MGRN1: variants seen among roughly 807,000 people sequenced by gnomAD.
MGRN1 encodes the protein mahogunin ring finger 1.
In MGRN1, 29 loss-of-function variants were observed where a neutral mutation model predicts 69.2. The observed-to-expected ratio is 0.42, with a 90% confidence interval of 0.31 to 0.57. The LOEUF is 0.57. MGRN1 is among the 20% of genes least tolerant of loss of function. The pLI, the probability that MGRN1 is intolerant of heterozygous loss-of-function variation, is 0.15. For synonymous variants in MGRN1, 470 were observed against 344.2 expected, an observed-to-expected ratio of 1.37 and a Z score of -4.04; for missense variants, 998 against 796.2, an observed-to-expected ratio of 1.25 and a Z score of -3.05.
chr16:4,676,045 C>T (rs570561642), intron 10 of MGRN1, among the ~76,000 whole-genome samples: 2 of 152,230 alleles, frequency 1.3e-5, no homozygotes, highest in Admixed American at 6.5e-5. Context: ...AGGACACATG[C>T]GCTTAGTAGG....
intron 1 of MGRN1, among the ~76,000 whole-genome samples, chr16:4,646,311 C>G (rs555983243): frequency 3.3e-5 from 5 of 152,154 alleles, no homozygotes; most frequent in Admixed American, 2.0e-4. Flanking sequence ...ACACTGTGAT[C>G]CCAGCTACTT....
intron 1 of MGRN1, among the ~76,000 whole-genome samples, chr16:4,647,050 G>A (rs534327862): frequency 6.6e-6 from 1 of 152,354 alleles, no homozygotes; most frequent in African/African-American, 2.4e-5. Flanking sequence ...TGCTAAGGGT[G>A]CCCCCGACGA....
At position 4,656,813 on chromosome 16, in the gene MGRN1, G is replaced by A. The variant is rs533822150; in HGVS notation, c.444-433G>A. 5.9e-5 allele frequency among the ~76,000 whole-genome samples: 9 copies of A among 152,256 alleles called. 2 individuals carry two copies. Among genetic ancestry groups the A allele is most frequent in the African/African-American group, 2.2e-4 (9 of 41,544 alleles). On this transcript the variant is annotated intron_variant, in intron 4 of 16. Coordinates refer to ENST00000262370, the MANE Select transcript of MGRN1 (RefSeq NM_015246.4). The stretch of plus-strand genomic sequence containing the variant: ...GAGGATCACTTGAACTCAGAAGGCA[G>A]AGGTTGCAGTGAGCTGAGATCACAA...
At chr16:4,651,612 G>A (rs969642393) in intron 2 of MGRN1, among the ~76,000 whole-genome samples, 1 of 152,096 alleles carries the variant, frequency 6.6e-6, no homozygotes, top group African/African-American at 2.4e-5. Flanking sequence ...GAAGCTTTGG[G>A]GATGGAAAGG....
intron 10 of MGRN1, among the ~76,000 whole-genome samples, chr16:4,675,385 A>G (rs1211418171): frequency 2.0e-5 from 3 of 152,336 alleles, no homozygotes; most frequent in African/African-American, 4.8e-5. Context: ...GATTATGGGC[A>G]TGAGCCACCA....
At chr16:4,646,768 C>G (rs2078283261) in intron 1 of MGRN1, among the ~76,000 whole-genome samples, 2 of 152,234 alleles carry the variant, frequency 1.3e-5, no homozygotes, top group Admixed American at 1.3e-4. Context: ...AGGCTGGCCA[C>G]CTCGCTCATC....
At chr16:4,679,322 A>G (rs75218294) in intron 11 of MGRN1, among the ~76,000 whole-genome samples, 1 of 152,214 alleles carries the variant, frequency 6.6e-6, no homozygotes, top group African/African-American at 2.4e-5. Context: ...TGTCCCTCTT[A>G]TGCTGAGTGA....
chr16:4,640,923 T>C (rs1485264397), intron 1 of MGRN1, among the ~76,000 whole-genome samples: 2 of 152,216 alleles, frequency 1.3e-5, no homozygotes, highest in Non-Finnish European at 2.9e-5. Context: ...CTTCGTTTCC[T>C]GTATGTTTGA....
At chr16:4,678,701 C>T (rs193039625) in intron 11 of MGRN1, among the ~76,000 whole-genome samples, 1 of 152,330 alleles carries the variant, frequency 6.6e-6, no homozygotes, top group Non-Finnish European at 1.5e-5. Flanking sequence ...CCCCACTGGC[C>T]ACGCGCATTG....
chr16:4,665,273 C>T (rs1041716034), intron 7 of MGRN1, 122 bp downstream of exon 7: 13 of 1,043,476 alleles, frequency 1.2e-5, no homozygotes, highest in South Asian at 2.9e-5. Flanking sequence ...TCAAGGGCCC[C>T]GGGGCAGGTT....
chr16:4,673,363 C>G (rs2078983695), intron 9 of MGRN1, 135 bp from the exon 10 acceptor site: 11 of 1,204,986 alleles, frequency 9.1e-6, no homozygotes, highest in Non-Finnish European at 1.3e-5. Flanking sequence ...CAACCTCCCC[C>G]TCCCCTCTGG....
At chr16:4,670,121 G>A (rs1404103480) in intron 8 of MGRN1, among the ~76,000 whole-genome samples, 1 of 152,192 alleles carries the variant, frequency 6.6e-6, no homozygotes, top group Non-Finnish European at 1.5e-5. Context: ...CTGGAATGCA[G>A]TGGCGCGATC....
chr16:4,686,058 A>G (rs865944285), intron 16 of MGRN1, among the ~76,000 whole-genome samples: 7 of 151,798 alleles, frequency 4.6e-5, no homozygotes, highest in Non-Finnish European at 7.4e-5. Flanking sequence ...GGGCAGGGCC[A>G]GTGCGCTCCT....
intron 1 of MGRN1, among the ~76,000 whole-genome samples, chr16:4,637,124 A>G (rs1307182186): frequency 7.0e-6 from 1 of 143,134 alleles, no homozygotes; most frequent in Non-Finnish European, 1.5e-5. Flanking sequence ...ATCTCAAAAA[A>G]AAAAAAAAAA....
Position 4,687,735 on chromosome 16 carries a change from G to A in MGRN1, c.1619-1061G>A, listed in dbSNP as rs1319338210. 4.1e-6 allele frequency: 4 copies of A among 985,394 alleles called. No individual in the cohort carries two copies. The African/African-American group carries it at 5.2e-5, about 13-fold the overall frequency. 61.0% of individuals were successfully genotyped at this position (985,394 alleles called of 1,614,324 possible). A position where few individuals can be genotyped will look rare whatever the true frequency, so the allele number is the denominator to read the frequency against. ...GCAGCTCTGGTCTGCCGAGGCCCAT[G>A]CAGCCTGCTGGGAGGTGCCTGGCCG... is the stretch of plus-strand genomic sequence containing the variant. On this transcript the variant is annotated intron_variant, in intron 16 of 16. Coordinates refer to ENST00000262370, the MANE Select transcript of MGRN1 (RefSeq NM_015246.4).
At chr16:4,688,658 G>C in intron 16 of MGRN1, 138 bp from the exon 17 acceptor site, 24 of 1,439,760 alleles carry the variant, frequency 1.7e-5, no homozygotes, top group Non-Finnish European at 2.2e-5. Flanking sequence ...ACATCTGAGT[G>C]AATGCTGTTG....
intron 5 of MGRN1, among the ~76,000 whole-genome samples, chr16:4,662,504 AG>A (rs2078705980): frequency 6.6e-6 from 1 of 151,640 alleles, no homozygotes; most frequent in Admixed American, 6.6e-5. Flanking sequence ...TAACAGATCA[AG>A]ACTCTGTCTC....
At chr16:4,670,119 C>T (rs907345046) in intron 8 of MGRN1, among the ~76,000 whole-genome samples, 2 of 152,130 alleles carry the variant, frequency 1.3e-5, no homozygotes, top group Non-Finnish European at 2.9e-5. Flanking sequence ...GGCTGGAATG[C>T]AGTGGCGCGA....
At chr16:4,642,065 C>T (rs142318828) in intron 1 of MGRN1, among the ~76,000 whole-genome samples, 40 of 151,114 alleles carry the variant, frequency 2.6e-4, no homozygotes, top group Admixed American at 7.3e-4. Context: ...TTCTTGAGTG[C>T]TGAGGGTCCA....
Sources: allele counts gnomAD v4.1 joint callset (sites outside exome capture counted in the v4.1 genomes callset), GRCh38; gene constraint gnomAD v4.1.1; transcripts MANE v1.5; gene names NCBI Gene and HGNC (gene_info 2026-07-23, HGNC 2026-07-21).